Variants in OPRM1 observed in about 807,000 individuals in gnomAD.
OPRM1 encodes opioid receptor mu 1.
A neutral mutation model predicts 31.8 loss-of-function variants in OPRM1; 27 were observed. The observed-to-expected ratio is 0.85, with a 90% CI of 0.63 to 1.17. The LOEUF (loss-of-function observed/expected upper bound fraction) is 1.17, where lower values mean the gene tolerates loss of function less well. OPRM1 is among the 50% of genes most tolerant of loss of function. The pLI is 0.00. For synonymous variants in OPRM1, 196 were observed against 189.9 expected (o/e 1.03, Z -0.26); for missense variants, 536 against 511.1 (o/e 1.05, Z -0.47).
intron 3 of OPRM1, chr6:154,246,444 C>T: frequency 1.1e-6 from 1 of 896,788 alleles, no homozygotes; most frequent in Admixed American, 2.5e-5. Flanking sequence ...ATCTACTGCA[C>T]CAGAAATGGC....
intron 3 of OPRM1, among the ~76,000 whole-genome samples, chr6:154,112,594 A>G (rs1352730187): frequency 2.6e-5 from 4 of 152,188 alleles, no homozygotes; most frequent in Admixed American, 2.6e-4. Context: ...CAGGCAGTGA[A>G]GGTTGTTAAT....
intron 3 of OPRM1, among the ~76,000 whole-genome samples, chr6:154,244,301 G>GGTGTGTGTGTGTGGGTGGGTGT (rs1780850076): frequency 6.8e-6 from 1 of 147,960 alleles, no homozygotes; most frequent in African/African-American, 2.5e-5. Context: ...TGTGTGGGTG[G>GGTGTGTGTGTGTGGGTGGGTGT]GTGTGTGTGT....
intron 3 of OPRM1, chr6:154,214,365 C>CATG (rs748926943): frequency 9.0e-6 from 8 of 893,556 alleles, no homozygotes; most frequent in Non-Finnish European, 1.5e-5. Flanking sequence ...GAAATTAGGT[C>CATG]ATGATTCTAC....
At chr6:154,043,824 T>C (rs1452130335) in intron 1 of OPRM1, among the ~76,000 whole-genome samples, 3 of 152,096 alleles carry the variant, frequency 2.0e-5, no homozygotes, top group Non-Finnish European at 4.4e-5. Context: ...GAGCTCCTGG[T>C]ACCTATTACA....
At chr6:154,067,483 A>T (rs1333040129) in intron 1 of OPRM1, among the ~76,000 whole-genome samples, 2 of 151,320 alleles carry the variant, frequency 1.3e-5, no homozygotes, top group East Asian at 3.9e-4. Flanking sequence ...TATGTTATTG[A>T]TTTTTTTTAA....
chr6:154,244,301 G>T (rs868866628), intron 3 of OPRM1, among the ~76,000 whole-genome samples: 2,312 of 148,048 alleles, frequency 0.016, 63 homozygotes, highest in African/African-American at 0.053. Context: ...TGTGTGGGTG[G>T]GTGTGTGTGT....
In OPRM1 at chr6:154,180,414, ATT is replaced by A. The variant is rs761333730; in HGVS notation, c.1165-66270_1165-66269del. ...TATATATATATATATATATATATAT[ATT>A]TTTTTTTTAAACATGATCCTTCTTG... On this transcript the variant is annotated intron_variant, in intron 3 of 3. Transcript: ENST00000337049. Among the ~76,000 whole-genome samples, 238 of 65,220 alleles carry A rather than the reference ATT, an allele frequency of 3.6e-3. 3 individuals carry two copies. The highest frequency in any genetic ancestry group is 6.2e-3 in the Non-Finnish European group (170 of 27,562). The allele number at this position is 65,220 out of a possible 152,430, so 42.8% of individuals were successfully genotyped here.
At chr6:154,206,678 A>G (rs1279313625) in intron 3 of OPRM1, among the ~76,000 whole-genome samples, 1 of 152,254 alleles carries the variant, frequency 6.6e-6, no homozygotes, top group African/African-American at 2.4e-5. Flanking sequence ...ACCCTGACCT[A>G]GAGGACTAGA....
At chr6:154,098,960 T>C (rs1330838472) in intron 3 of OPRM1, among the ~76,000 whole-genome samples, 1 of 152,036 alleles carries the variant, frequency 6.6e-6, no homozygotes, top group South Asian at 2.1e-4. Context: ...TTCACGTGAA[T>C]AGGAACTTTT....
chr6:154,010,816 A>G (rs941976139), exon 1 of OPRM1: 25 of 1,392,690 alleles, frequency 1.8e-5, no homozygotes, highest in Non-Finnish European at 2.3e-5. Flanking sequence ...GAGATGATAG[A>G]AAAGGGCTCC....
At chr6:154,221,430 C>G (rs1335610728) in intron 3 of OPRM1, 2 of 857,756 alleles carry the variant, frequency 2.3e-6, no homozygotes, top group Non-Finnish European at 3.7e-6. Context: ...AACTTGTCTG[C>G]TTTCTTTGTA....
intron 1 of OPRM1, among the ~76,000 whole-genome samples, chr6:154,017,741 T>C (rs894923154): frequency 3.3e-5 from 5 of 152,200 alleles, no homozygotes; most frequent in Non-Finnish European, 7.3e-5. Context: ...CAGGTGACCA[T>C]GGTTAACTTT....
In OPRM1 at chr6:154,222,447, A is replaced by C. The variant is rs564891960; in HGVS notation, c.1165-24246A>C. ...GAAGGCCCCTTTCTGATAAGACTGG[A>C]AAAGATGTCAAAGGTAGAAGAAATA... On this transcript the variant is annotated intron_variant, in intron 3 of 3. Coordinates refer to the OPRM1 transcript ENST00000337049. 1.1e-3 allele frequency among the ~76,000 whole-genome samples: 164 copies of C among 152,374 alleles called. 1 individual carries two copies. The highest frequency in any genetic ancestry group is 3.8e-3 in the African/African-American group (158 of 41,590).
intron 1 of OPRM1, among the ~76,000 whole-genome samples, chr6:154,057,978 A>G (rs914284521): frequency 6.6e-6 from 1 of 152,244 alleles, no homozygotes; most frequent in African/African-American, 2.4e-5. Context: ...AAGGGCCACT[A>G]TTCTGAACAA....
chr6:154,097,747 T>C (rs1583524340), intron 3 of OPRM1, among the ~76,000 whole-genome samples: 1 of 152,204 alleles, frequency 6.6e-6, no homozygotes, highest in East Asian at 1.9e-4. Flanking sequence ...AAAATGTTGT[T>C]TAGTTAAAAA....
intron 1 of OPRM1, among the ~76,000 whole-genome samples, chr6:154,052,377 T>C (rs927844553): frequency 3.3e-5 from 5 of 152,114 alleles, no homozygotes; most frequent in Non-Finnish European, 7.3e-5. Context: ...ATATTTCTGG[T>C]TTTTACAATC....
At chr6:154,220,304 A>T (rs1778759722) in intron 3 of OPRM1, among the ~76,000 whole-genome samples, 1 of 152,198 alleles carries the variant, frequency 6.6e-6, no homozygotes, top group Non-Finnish European at 1.5e-5. Flanking sequence ...GAATAGGGCT[A>T]AATCAAAGAG....
chr6:154,073,963 G>T (rs1787321177), intron 1 of OPRM1: 1 of 152,230 alleles, frequency 6.6e-6, no homozygotes, highest in South Asian at 2.1e-4. Context: ...CTGCACTCCA[G>T]CCTGGCCAAC....
At chr6:154,232,027 C>G (rs1359667606) in intron 3 of OPRM1, among the ~76,000 whole-genome samples, 1 of 152,132 alleles carries the variant, frequency 6.6e-6, no homozygotes, top group Non-Finnish European at 1.5e-5. Flanking sequence ...ATGTTATTAT[C>G]ATTTTTACAT....
Sources: gnomAD v4.1 joint callset for allele counts (sites outside exome capture counted in the v4.1 genomes callset) on GRCh38, gnomAD v4.1.1 for gene constraint, MANE v1.5 for transcripts, NCBI Gene and HGNC (gene_info 2026-07-23, HGNC 2026-07-21) for gene names.